ZC3H12B: variants seen among roughly 807,000 people sequenced by gnomAD.
ZC3H12B encodes zinc finger CCCH-type containing 12B.
Under a neutral mutation model 43.9 loss-of-function variants are expected in ZC3H12B, and 7 were observed. The ratio of observed to expected loss-of-function variants is 0.16; its 90% CI spans 0.09 to 0.30. The LOEUF (loss-of-function observed/expected upper bound fraction) is 0.30, where lower values mean the gene tolerates loss of function less well. Ranked by LOEUF, ZC3H12B falls within the 10% of genes least tolerant of loss-of-function variation. The pLI, the probability that ZC3H12B is intolerant of heterozygous loss-of-function variation, is 1.00. For missense variants in ZC3H12B, 475 were observed against 670.2 expected (o/e 0.71, Z 3.22); for synonymous variants, 222 against 241.7 (o/e 0.92, Z 0.76).
chrX:65,138,687 T>G, the ZC3H12B span, among the ~76,000 whole-genome samples: 6 of 112,180 alleles, frequency 5.3e-5, no homozygotes, highest in African/African-American at 1.6e-4. Flanking sequence ...ATGGCTGCAT[T>G]AATTTGTTTC....
the ZC3H12B span, among the ~76,000 whole-genome samples, chrX:65,268,382 C>T: frequency 9.0e-5 from 10 of 111,522 alleles, no homozygotes; most frequent in Non-Finnish European, 1.9e-4. Context: ...AAAAAGAGAG[C>T]TACAGGGAAC....
At chrX:65,137,847 G>C in the ZC3H12B span, among the ~76,000 whole-genome samples, 1 of 111,937 alleles carries the variant, frequency 8.9e-6, no homozygotes, top group South Asian at 3.6e-4. Flanking sequence ...GTTTCTTTTT[G>C]AGACGGAGTC....
At chrX:65,371,476 T>A (rs1313843105) in intron 2 of ZC3H12B, among the ~76,000 whole-genome samples, 1 of 111,394 alleles carries the variant, frequency 9.0e-6, no homozygotes, top group Non-Finnish European at 1.9e-5. Context: ...TTATCCAGGC[T>A]TAGAATAAAT....
intron 3 of ZC3H12B, among the ~76,000 whole-genome samples, chrX:65,480,323 T>C (rs1397755892): frequency 8.9e-6 from 1 of 112,589 alleles, no homozygotes; most frequent in Non-Finnish European, 1.9e-5. Flanking sequence ...AAGTGCTTTC[T>C]AAACAAGCTG....
At chrX:65,332,562 A>T in the ZC3H12B span, among the ~76,000 whole-genome samples, 4 of 111,467 alleles carry the variant, frequency 3.6e-5, no homozygotes, top group Non-Finnish European at 7.5e-5. Context: ...AGATGAGTCC[A>T]GTATGTGTTT....
the ZC3H12B span, among the ~76,000 whole-genome samples, chrX:65,097,964 T>C: frequency 1.8e-5 from 2 of 111,900 alleles, no homozygotes; most frequent in African/African-American, 6.5e-5. Flanking sequence ...TATATCTTTC[T>C]TTTAAATATG....
the ZC3H12B span, among the ~76,000 whole-genome samples, chrX:65,121,635 G>T: frequency 2.6e-4 from 29 of 111,071 alleles, no homozygotes; most frequent in African/African-American, 9.5e-4. Context: ...AAGGGTTTTT[G>T]TGTCTCTATT....
At chrX:65,149,764 AAATAATAATAAT>A in the ZC3H12B span, among the ~76,000 whole-genome samples, 6,282 of 85,236 alleles carry the variant, frequency 0.074, 489 homozygotes, top group African/African-American at 0.21. Flanking sequence ...ACTTAATCTC[AAATAATAATAAT>A]AATAATAATA....
At chrX:65,247,404 T>C in the ZC3H12B span, among the ~76,000 whole-genome samples, 2 of 112,369 alleles carry the variant, frequency 1.8e-5, no homozygotes, top group Non-Finnish European at 3.8e-5. Context: ...CCCAAAGGAA[T>C]ATAAATCAGT....
chrX:65,042,221 A>T, the ZC3H12B span, among the ~76,000 whole-genome samples: 1 of 112,262 alleles, frequency 8.9e-6, no homozygotes, highest in African/African-American at 3.2e-5. Context: ...TTGGAAAACT[A>T]ATTATAATTT....
intron 3 of ZC3H12B, among the ~76,000 whole-genome samples, chrX:65,400,220 G>T (rs2066747323): frequency 8.9e-6 from 1 of 111,750 alleles, no homozygotes. Flanking sequence ...TGTGGTTATT[G>T]TTATTTTGCC....
At chrX:65,121,285 T>A in the ZC3H12B span, among the ~76,000 whole-genome samples, 1 of 110,876 alleles carries the variant, frequency 9.0e-6, no homozygotes, top group South Asian at 3.8e-4. Context: ...GGTCCTGGAG[T>A]TTTTTTGGTT....
the ZC3H12B span, among the ~76,000 whole-genome samples, chrX:65,056,240 T>A: frequency 4.5e-5 from 5 of 111,761 alleles, no homozygotes; most frequent in Non-Finnish European, 9.4e-5. Context: ...GGTATAAGTT[T>A]CCCTCTACAC....
the ZC3H12B span, among the ~76,000 whole-genome samples, chrX:65,099,712 G>C: frequency 9.0e-6 from 1 of 110,973 alleles, no homozygotes; most frequent in Non-Finnish European, 1.9e-5. Context: ...CACACACACA[G>C]AAACCCCATC....
intron 2 of ZC3H12B, among the ~76,000 whole-genome samples, chrX:65,382,736 A>T (rs749210658): frequency 1.9e-3 from 217 of 112,097 alleles, no homozygotes; most frequent in Non-Finnish European, 3.2e-3. Context: ...CCTTAAGCTG[A>T]TAAGCAACTT....
chrX:65,065,707 G>C, the ZC3H12B span, among the ~76,000 whole-genome samples: 1 of 111,608 alleles, frequency 9.0e-6, no homozygotes, highest in African/African-American at 3.3e-5. Flanking sequence ...GGTAGGGGCA[G>C]TTCTCCTGGA....
chrX:65,257,856 C>A, the ZC3H12B span, among the ~76,000 whole-genome samples: 1 of 110,738 alleles, frequency 9.0e-6, no homozygotes, highest in Non-Finnish European at 1.9e-5. Flanking sequence ...CCTGAACAGA[C>A]TAATAATGAG....
chrX:65,099,394 A>C, the ZC3H12B span, among the ~76,000 whole-genome samples: 3 of 111,555 alleles, frequency 2.7e-5, no homozygotes, highest in Non-Finnish European at 5.6e-5. Flanking sequence ...GACAGACTGC[A>C]TTCTCAAGTG....
intron 2 of ZC3H12B, among the ~76,000 whole-genome samples, chrX:65,380,814 A>G (rs1273194341): frequency 9.0e-6 from 1 of 111,651 alleles, no homozygotes; most frequent in Admixed American, 9.5e-5. Flanking sequence ...CTAGTCTCTG[A>G]TAAAACAGAC....
Sources: gnomAD v4.1 joint callset for allele counts (sites outside exome capture counted in the v4.1 genomes callset) on GRCh38, gnomAD v4.1.1 for gene constraint, MANE v1.5 for transcripts, NCBI Gene and HGNC (gene_info 2026-07-23, HGNC 2026-07-21) for gene names.